Variants in RRP12 observed in about 807,000 individuals in gnomAD.
RRP12 encodes the protein RRP12-like protein.
In RRP12, 78 loss-of-function variants were observed where a neutral mutation model predicts 157.3. That is an observed-to-expected ratio of 0.50 (90% CI 0.41 to 0.60). The LOEUF is 0.60. RRP12 is among the 20% of genes least tolerant of loss of function. The pLI is 0.00. For missense variants in RRP12, 1,521 were observed against 1,679.9 expected (o/e 0.91, Z 1.65); for synonymous variants, 726 against 670.9 (o/e 1.08, Z -1.27).
At chr10:97,399,026 C>T (rs1342733069) in intron 2 of RRP12, among the ~76,000 whole-genome samples, 1 of 152,138 alleles carries the variant, frequency 6.6e-6, no homozygotes. Flanking sequence ...GTAATCCCAG[C>T]ACTTTAGGAG....
chr10:97,375,716 C>T (rs1844286574), intron 15 of RRP12, among the ~76,000 whole-genome samples: 1 of 152,072 alleles, frequency 6.6e-6, no homozygotes, highest in Non-Finnish European at 1.5e-5. Context: ...GAAAATAGAA[C>T]AAATTTTTCC....
In RRP12 at chr10:97,366,323, CA is replaced by C. The variant is rs58487556; in HGVS notation, c.3392-91del. The C allele has an allele frequency of 1.6e-3, 2,447 of 1,572,162 alleles. 32 individuals carry two copies. In the African/African-American group the frequency reaches 0.028, roughly 18 times the overall value. On this transcript the variant is annotated intron_variant, in intron 28 of 33. Coordinates refer to ENST00000370992, the MANE Select transcript of RRP12 (RefSeq NM_015179.4). ...ACCAACAAGCCCGGCTCAGGGATCCCAAACGGGCGCCTCTCAGCCCTGTCCA... is the reference window on the plus strand; with the variant it reads ...ACCAACAAGCCCGGCTCAGGGATCCCAACGGGCGCCTCTCAGCCCTGTCCA...
intron 3 of RRP12, among the ~76,000 whole-genome samples, chr10:97,394,584 C>A (rs1844902255): frequency 6.6e-6 from 1 of 152,028 alleles, no homozygotes; most frequent in African/African-American, 2.4e-5. Flanking sequence ...GAGACAGGGT[C>A]CCACTATATT....
At chr10:97,381,068 C>T (rs1844454226) in intron 12 of RRP12, among the ~76,000 whole-genome samples, 155 bp from the exon 13 acceptor site, 1 of 152,232 alleles carries the variant, frequency 6.6e-6, no homozygotes, top group South Asian at 2.1e-4. Flanking sequence ...ACATTTGTGA[C>T]ATGCCCACAC....
rs1007759475 is a variant in RRP12 at position 97,390,800 on chromosome 10, T to C, written c.575A>G (p.Lys192Arg). 4.3e-6 allele frequency: 7 copies of C among 1,613,894 alleles called. No homozygotes were observed. Among genetic ancestry groups the C allele is most frequent in the Admixed American group, 3.3e-5 (2 of 59,996 alleles). ...VLIKKFSDTS[K>R]AFMDIMSAQA... ...AGCTGACATGATATCCATGAAGGCT[T>C]TGGAGGTATCAGAGAACTTCTTAAT... is the stretch of plus-strand genomic sequence containing the variant. The change falls in exon 5 of 34, where the codon AAA becomes AGA. Residue 192 changes from lysine (K) to arginine (R), a missense_variant. Transcript: ENST00000370992.
At position 97,388,376 on chromosome 10, in the gene RRP12, G is replaced by T; in HGVS notation, c.893C>A (p.Ser298Tyr). The T allele has an allele frequency of 1.2e-6, 2 of 1,613,838 alleles. No individual in the cohort carries two copies. Among genetic ancestry groups the T allele is most frequent in the South Asian group, 1.1e-5 (1 of 91,078 alleles). Residue 298 changes from serine to tyrosine, a missense_variant, in exon 8 of 34, where the codon TCC (serine) becomes TAC (tyrosine). Physicochemically the swap from Ser to Tyr is moderately radical, Grantham distance 144 (BLOSUM62 -2). Coordinates refer to ENST00000370992, the MANE Select transcript of RRP12 (RefSeq NM_015179.4). ...GTGCAGCGTGGTGGTGGCCTCCTTG[G>T]AGCCTGGTATACAGAAGAGGAATTG... Reference protein sequence around the residue: ...CIQEIEKSGGSKEATTTLHML... With the variant: ...CIQEIEKSGGYKEATTTLHML...
Position 97,360,530 on chromosome 10 carries a change from G to A in RRP12, c.3640+16C>T, listed in dbSNP as rs748587338. On this transcript the variant is annotated intron_variant, in intron 31 of 33. Transcript: ENST00000370992. ...AGGGATCCATGTGTCCCAGGAGAGAGGAGTGGAAGCCTCACCTTGGTACTG... is the reference window on the plus strand; with the variant it reads ...AGGGATCCATGTGTCCCAGGAGAGAAGAGTGGAAGCCTCACCTTGGTACTG... The A allele has an allele frequency of 6.3e-7, 1 of 1,597,438 alleles. No individual in the cohort carries two copies. The highest frequency in any genetic ancestry group is 8.6e-7 in the Non-Finnish European group (1 of 1,164,926).
intron 16 of RRP12, 34 bp downstream of exon 16, chr10:97,373,796 C>T (rs758908253): frequency 1.1e-5 from 17 of 1,613,442 alleles, no homozygotes; most frequent in Non-Finnish European, 1.4e-5. Flanking sequence ...CCCCTGTGTG[C>T]TTCTCCCCAC....
chr10:97,397,918 A>AAAAAG (rs530846479), intron 2 of RRP12, among the ~76,000 whole-genome samples: 2 of 146,550 alleles, frequency 1.4e-5, no homozygotes, highest in Non-Finnish European at 3.0e-5. Context: ...CTGTCTGAAA[A>AAAAAG]AAAAGAAAAG....
At chr10:97,362,769 G>A (rs1455468079) in intron 30 of RRP12, among the ~76,000 whole-genome samples, 3 of 152,206 alleles carry the variant, frequency 2.0e-5, no homozygotes, top group Non-Finnish European at 2.9e-5. Context: ...CTCTGGATAT[G>A]TACTCAGCTC....
At chr10:97,396,181 T>C in intron 3 of RRP12, 37 bp downstream of exon 3, 1 of 1,442,726 alleles carries the variant, frequency 6.9e-7, no homozygotes, top group Non-Finnish European at 9.8e-7. Flanking sequence ...CATAACCTGC[T>C]GCTCTGAACA....
intron 30 of RRP12, 95 bp from the exon 31 acceptor site, chr10:97,360,713 A>G (rs1340407243): frequency 2.2e-6 from 2 of 919,380 alleles, no homozygotes; most frequent in Non-Finnish European, 3.6e-6. Flanking sequence ...TGCATCAAGC[A>G]GGAGAGGCCC....
intron 32 of RRP12, 93 bp downstream of exon 32, chr10:97,358,850 C>T (rs1843775110): frequency 9.5e-7 from 1 of 1,054,014 alleles, no homozygotes. Flanking sequence ...CAGGAAGGTG[C>T]CTCTCAGGAC....
intron 30 of RRP12, 66 bp downstream of exon 30, chr10:97,363,788 G>T: frequency 1.5e-6 from 2 of 1,370,530 alleles, no homozygotes; most frequent in South Asian, 1.2e-5. Context: ...TGTGGTGGGG[G>T]TGAGAAGCTG....
At chr10:97,369,103 T>TC (rs1038085860) in intron 25 of RRP12, among the ~76,000 whole-genome samples, 9 of 151,376 alleles carry the variant, frequency 5.9e-5, no homozygotes, top group Non-Finnish European at 8.8e-5. Flanking sequence ...GAGCCCAGCG[T>TC]CTGAGTCCCA....
At chr10:97,390,645 G>C in intron 5 of RRP12, 94 bp downstream of exon 5, 1 of 1,338,654 alleles carries the variant, frequency 7.5e-7, no homozygotes, top group Non-Finnish European at 1.1e-6. Flanking sequence ...AGGTCCCCAG[G>C]GTGCCTAAAC....
At chr10:97,374,488 A>C (rs1005170618) in intron 15 of RRP12, among the ~76,000 whole-genome samples, 2 of 149,548 alleles carry the variant, frequency 1.3e-5, no homozygotes, top group Non-Finnish European at 3.0e-5. Flanking sequence ...AAACATAAAC[A>C]GGGGCTGGGT....
intron 2 of RRP12, among the ~76,000 whole-genome samples, chr10:97,398,039 A>ATATATATATATGTATTTTTT (rs1436494245): frequency 1.8e-5 from 1 of 56,028 alleles, no homozygotes; most frequent in Non-Finnish European, 3.2e-5. Flanking sequence ...ATATATACGT[A>ATATATATATATGTATTTTTT]TTTTTTTTTT....
At chr10:97,371,245 G>A in intron 20 of RRP12, 164 bp from the exon 21 acceptor site, 2 of 726,014 alleles carry the variant, frequency 2.8e-6, no homozygotes, top group Non-Finnish European at 4.5e-6. Context: ...GCTAACTCCT[G>A]GGCGAGGCAC....
Sources: allele counts gnomAD v4.1 joint callset (sites outside exome capture counted in the v4.1 genomes callset), GRCh38; gene constraint gnomAD v4.1.1; transcripts MANE v1.5; gene names NCBI Gene and HGNC (gene_info 2026-07-23, HGNC 2026-07-21).